The following SLC22A5 variants were observed in gnomAD, a reference collection of about 807,000 sequenced individuals.
SLC22A5 encodes organic cation/carnitine transporter 2.
A neutral mutation model predicts 56.7 loss-of-function variants in SLC22A5; 44 were observed. The ratio of observed to expected loss-of-function variants is 0.78; its 90% confidence interval spans 0.61 to 1.00. The LOEUF (loss-of-function observed/expected upper bound fraction) is 1.00, where lower values mean the gene tolerates loss of function less well. Ranked by LOEUF, SLC22A5 falls within the 50% of genes least tolerant of loss-of-function variation. SLC22A5 has a pLI of 0.00. For synonymous variants in SLC22A5, 278 were observed against 292.1 expected (o/e 0.95, Z 0.49); for missense variants, 675 against 723.0 (o/e 0.93, Z 0.76).
At chr5:132,393,902 C>T in intron 9 of SLC22A5, 91 bp downstream of exon 9, 1 of 1,442,118 alleles carries the variant, frequency 6.9e-7, no homozygotes, top group South Asian at 1.1e-5. Context: ...CTCGCAAACT[C>T]CCTCTCACAG....
At position 132,392,598 on chromosome 5, in the gene SLC22A5, C is replaced by T. The variant is rs72552735; in HGVS notation, c.1433C>T (p.Pro478Leu). ...TASRLGSILSPYFVYLGAYDR... is the reference protein window; with the variant it reads ...TASRLGSILSLYFVYLGAYDR... ...TCCCGCCTGGGCAGCATCCTGTCTC[C>T]CTACTTCGTTTACCTTGGTAAGTCC... The change falls in exon 8 of 10, where the codon CCC becomes CTC. Residue 478 changes from proline (P) to leucine (L), a missense_variant. Coordinates refer to ENST00000245407, the MANE Select transcript of SLC22A5 (RefSeq NM_003060.4). 1 of 1,614,114 alleles carries T rather than the reference C, an allele frequency of 6.2e-7. No individual in the cohort carries two copies. The highest frequency in any genetic ancestry group is 2.2e-5 in the East Asian group (1 of 44,886).
intron 6 of SLC22A5, chr5:132,389,299 A>G (rs569179417): frequency 1.8e-4 from 73 of 406,338 alleles, no homozygotes; most frequent in Non-Finnish European, 3.1e-4. Context: ...TCCTTGCCCA[A>G]TTTGGGTCAT....
chr5:132,387,304 C>A (rs953115764), intron 5 of SLC22A5, among the ~76,000 whole-genome samples, 153 bp downstream of exon 5: 1 of 151,410 alleles, frequency 6.6e-6, no homozygotes, highest in Non-Finnish European at 1.5e-5. Context: ...CCACTCCCCA[C>A]CCCCACACGG....
At chr5:132,371,927 G>A (rs1449618555) in intron 1 of SLC22A5, among the ~76,000 whole-genome samples, 4 of 152,072 alleles carry the variant, frequency 2.6e-5, no homozygotes, top group African/African-American at 2.4e-5. Context: ...GCTTCTTGGC[G>A]TCATCACCCT....
Position 132,369,881 on chromosome 5 carries a change from T to G in SLC22A5, c.-92T>G. 2 of 1,526,366 alleles carry G rather than the reference T, an allele frequency of 1.3e-6. No homozygotes were observed. Among genetic ancestry groups the G allele is most frequent in the South Asian group, 2.5e-5 (2 of 80,648 alleles). 94.6% of individuals were successfully genotyped at this position (1,526,366 alleles called of 1,614,324 possible). The stretch of plus-strand genomic sequence containing the variant: ...GTCTTGGGTCGCCTGCTGCCTGGCT[T>G]GCCTGGTCGGCGGCGGGTGCCCCGC... On this transcript the variant is annotated 5_prime_UTR_variant, in exon 1 of 10. Coordinates refer to ENST00000245407, the MANE Select transcript of SLC22A5 (RefSeq NM_003060.4).
intron 2 of SLC22A5, chr5:132,379,878 G>A (rs2631353): frequency 0.99 from 150,618 of 152,378 alleles, 74,462 homozygotes; most frequent in Middle Eastern, 1. Flanking sequence ...AACTTGCCCA[G>A]GGTTTCACAG....
rs139861253 is a variant in SLC22A5, at chr5:132,383,341, C to T, written c.498-806C>T. On this transcript the variant is annotated intron_variant, in intron 2 of 9. Coordinates refer to ENST00000245407, the MANE Select transcript of SLC22A5 (RefSeq NM_003060.4). ...CTTAATCTATGGATTCTCCTTCTAT[C>T]GCCTTCTATGCCTTACTGATTATCT... 1.2e-3 allele frequency: 185 copies of T among 151,364 alleles called. 1 individual carries two copies. Among genetic ancestry groups the T allele is most frequent in the African/African-American group, 4.3e-3 (176 of 41,340 alleles). The allele number at this position is 151,364 out of a possible 1,614,324, so 9.4% of individuals were successfully genotyped here.
chr5:132,378,611 G>T (rs1333029087), intron 2 of SLC22A5, 130 bp downstream of exon 2: 2 of 769,770 alleles, frequency 2.6e-6, no homozygotes, highest in African/African-American at 3.4e-5. Flanking sequence ...AGGAAGCTAT[G>T]TCTGTGATAT....
At chr5:132,378,195 A>C in intron 1 of SLC22A5, 183 bp from the exon 2 acceptor site, 1 of 1,608,086 alleles carries the variant, frequency 6.2e-7, no homozygotes, top group Non-Finnish European at 8.5e-7. Flanking sequence ...GCTATGAAAA[A>C]CAGGATGGGA....
At chr5:132,378,674 T>A in intron 2 of SLC22A5, 193 bp downstream of exon 2, 1 of 609,916 alleles carries the variant, frequency 1.6e-6, no homozygotes, top group South Asian at 1.9e-5. Flanking sequence ...TAATTCTTGC[T>A]AAGTAAAGAA....
At chr5:132,386,432 C>A (rs1005716355) in intron 4 of SLC22A5, among the ~76,000 whole-genome samples, 2 of 151,996 alleles carry the variant, frequency 1.3e-5, no homozygotes, top group Non-Finnish European at 2.9e-5. Context: ...GGTTTCACTG[C>A]GTTGGCCAGG....
At chr5:132,371,511 A>G (rs1464694505) in intron 1 of SLC22A5, among the ~76,000 whole-genome samples, 1 of 152,096 alleles carries the variant, frequency 6.6e-6, no homozygotes, top group Non-Finnish European at 1.5e-5. Context: ...TAGGAACATG[A>G]TGTTAATGAT....
At chr5:132,386,267 G>A (rs1179194207) in intron 4 of SLC22A5, among the ~76,000 whole-genome samples, 2 of 134,948 alleles carry the variant, frequency 1.5e-5, no homozygotes, top group Non-Finnish European at 3.1e-5. Flanking sequence ...AGTCTCTGTT[G>A]CCCAGGCTGT....
intron 1 of SLC22A5, among the ~76,000 whole-genome samples, chr5:132,373,571 C>T (rs1752017252): frequency 6.6e-6 from 1 of 151,996 alleles, no homozygotes; most frequent in African/African-American, 2.4e-5. Flanking sequence ...AGGAGGCGGG[C>T]TTTGCAGTGA....
intron 1 of SLC22A5, among the ~76,000 whole-genome samples, chr5:132,375,196 T>C (rs1752093480): frequency 6.6e-6 from 1 of 152,242 alleles, no homozygotes; most frequent in Admixed American, 6.5e-5. Context: ...CACTCACCTA[T>C]GTACCAAAGA....
At chr5:132,390,477 G>A (rs1173611380) in intron 6 of SLC22A5, 28 of 624,480 alleles carry the variant, frequency 4.5e-5, no homozygotes, top group Middle Eastern at 4.2e-4. Context: ...CTCTGAGAGC[G>A]CACTGGCGCA....
At chr5:132,383,658 C>T in intron 2 of SLC22A5, 1 of 193,684 alleles carries the variant, frequency 5.2e-6, no homozygotes, top group South Asian at 9.5e-5. Flanking sequence ...ATTTTATTAC[C>T]TTTTCATTTA....
chr5:132,369,892 C>T lies in SLC22A5; in HGVS notation c.-81C>T, dbSNP rs1751815781. On this transcript the variant is annotated 5_prime_UTR_variant, in exon 1 of 10. Coordinates refer to ENST00000245407, the MANE Select transcript of SLC22A5 (RefSeq NM_003060.4). ...CCTGCTGCCTGGCTTGCCTGGTCGG[C>T]GGCGGGTGCCCCGCGCGCACGCGCA... 18 of 1,551,202 alleles carry T rather than the reference C, an allele frequency of 1.2e-5. No homozygotes were observed. Among genetic ancestry groups the T allele is most frequent in the Non-Finnish European group, 1.5e-5 (17 of 1,152,180 alleles).
chr5:132,375,671 C>T (rs1191611431), intron 1 of SLC22A5, among the ~76,000 whole-genome samples: 1 of 152,156 alleles, frequency 6.6e-6, no homozygotes, highest in East Asian at 1.9e-4. Context: ...CTGCATGTAG[C>T]TAAAGCATGC....
Sources: gnomAD v4.1 joint callset for allele counts (sites outside exome capture counted in the v4.1 genomes callset) on GRCh38, gnomAD v4.1.1 for gene constraint, MANE v1.5 for transcripts, NCBI Gene and HGNC (gene_info 2026-07-23, HGNC 2026-07-21) for gene names.